MAGI2: variants seen among roughly 807,000 people sequenced by gnomAD.
MAGI2 encodes the protein membrane-associated guanylate kinase, WW and PDZ domain-containing protein 2.
In MAGI2, 35 loss-of-function variants were observed where a neutral mutation model predicts 133.3. The observed-to-expected ratio is 0.26, with a 90% CI of 0.20 to 0.35. The LOEUF is 0.35. Among genes scored for constraint, MAGI2 ranks in the 10% least tolerant of loss-of-function variants. The pLI is 1.00. For synonymous variants in MAGI2, 729 were observed against 710.6 expected (o/e 1.03, Z -0.41); for missense variants, 1,636 against 1,863.4 (o/e 0.88, Z 2.25).
At chr7:79,017,796 A>G (rs1409064570) in intron 1 of MAGI2, among the ~76,000 whole-genome samples, 4 of 152,206 alleles carry the variant, frequency 2.6e-5, no homozygotes, top group Non-Finnish European at 5.9e-5. Flanking sequence ...AATCACAAGT[A>G]TTAACAACAG....
At chr7:79,095,201 C>T (rs960503704) in intron 1 of MAGI2, among the ~76,000 whole-genome samples, 11 of 152,356 alleles carry the variant, frequency 7.2e-5, no homozygotes, top group African/African-American at 2.6e-4. Flanking sequence ...TTCCTTACCT[C>T]TCTCAGCCTT....
chr7:78,671,340 G>A (rs1016454176), intron 2 of MAGI2, among the ~76,000 whole-genome samples: 5 of 149,554 alleles, frequency 3.3e-5, no homozygotes, highest in South Asian at 2.1e-4. Context: ...GAAACATTAC[G>A]CACCTCAGAG....
chr7:78,597,231 T>G (rs1046623644), intron 3 of MAGI2, among the ~76,000 whole-genome samples: 12 of 152,218 alleles, frequency 7.9e-5, no homozygotes, highest in African/African-American at 2.9e-4. Flanking sequence ...TCTATAGCAC[T>G]GAGTTATTTC....
intron 15 of MAGI2, among the ~76,000 whole-genome samples, 167 bp from the exon 16 acceptor site, chr7:78,160,440 G>A (rs532215149): frequency 1.8e-4 from 28 of 152,324 alleles, no homozygotes; most frequent in African/African-American, 6.0e-4. Flanking sequence ...AGACCTAGGC[G>A]TGGAGCTCCC....
At position 78,447,032 on chromosome 7, in the gene MAGI2, A is replaced by C. The variant is rs534252933; in HGVS notation, c.1045+42729T>G. ...GTTCATCAGTTACAACAAATTTTTCATCAGAATGATTTTGGAAAGATTGTA... is the reference window on the plus strand; with the variant it reads ...GTTCATCAGTTACAACAAATTTTTCCTCAGAATGATTTTGGAAAGATTGTA... On this transcript the variant is annotated intron_variant, in intron 6 of 21. Transcript: ENST00000354212. 9.9e-5 allele frequency among the ~76,000 whole-genome samples: 15 copies of C among 152,200 alleles called. No individual in the cohort carries two copies. In the South Asian group the frequency reaches 2.9e-3, roughly 29 times the overall value.
chr7:78,804,618 G>A (rs1583959507), intron 2 of MAGI2, among the ~76,000 whole-genome samples: 1 of 151,406 alleles, frequency 6.6e-6, no homozygotes, highest in African/African-American at 2.4e-5. Flanking sequence ...GCATGGTGGC[G>A]GGCGCCTGTA....
chr7:78,028,556 G>T (rs1391726750), intron 21 of MAGI2, among the ~76,000 whole-genome samples: 5 of 152,066 alleles, frequency 3.3e-5, no homozygotes, highest in African/African-American at 9.7e-5. Context: ...ACAGTTCAAA[G>T]AACTATGGTG....
chr7:78,897,514 A>G (rs1417510718), intron 2 of MAGI2, among the ~76,000 whole-genome samples: 1 of 152,256 alleles, frequency 6.6e-6, no homozygotes, highest in Non-Finnish European at 1.5e-5. Context: ...ATTAAAAATT[A>G]AATCATATGA....
chr7:78,632,860 A>G (rs2150968321), intron 2 of MAGI2, among the ~76,000 whole-genome samples: 1 of 152,340 alleles, frequency 6.6e-6, no homozygotes, highest in South Asian at 2.1e-4. Flanking sequence ...CTAAAAACAG[A>G]ACTACCATTC....
intron 1 of MAGI2, among the ~76,000 whole-genome samples, chr7:79,359,646 C>A (rs1842250383): frequency 7.0e-6 from 1 of 142,520 alleles, no homozygotes; most frequent in African/African-American, 2.6e-5. Context: ...CAGCAGAGAC[C>A]AAAAGGAAAT....
intron 2 of MAGI2, among the ~76,000 whole-genome samples, chr7:78,715,804 A>T (rs1819641226): frequency 1.6e-5 from 1 of 63,992 alleles, no homozygotes; most frequent in Non-Finnish European, 3.8e-5. Context: ...CTGGGATATA[A>T]AAGTGCCAAT....
At chr7:78,069,691 T>C (rs1814276776) in intron 21 of MAGI2, among the ~76,000 whole-genome samples, 1 of 152,070 alleles carries the variant, frequency 6.6e-6, no homozygotes, top group African/African-American at 2.4e-5. Flanking sequence ...CACCCCACAA[T>C]CCCCGGTTGT....
intron 1 of MAGI2, among the ~76,000 whole-genome samples, chr7:79,346,397 T>A: frequency 6.6e-6 from 1 of 151,988 alleles, no homozygotes; most frequent in East Asian, 1.9e-4. Context: ...TACCATGAGT[T>A]TTTCCCTTCT....
chr7:78,747,525 A>G (rs1215675745), intron 2 of MAGI2, among the ~76,000 whole-genome samples: 1 of 146,390 alleles, frequency 6.8e-6, no homozygotes, highest in Non-Finnish European at 1.5e-5. Context: ...ACTAAACCAG[A>G]AAAAAAAAAT....
At chr7:78,133,929 C>T (rs1056186347) in intron 17 of MAGI2, 1 of 151,940 alleles carries the variant, frequency 6.6e-6, no homozygotes, top group Admixed American at 6.5e-5. Flanking sequence ...CTTTTTTCCC[C>T]ACAGTCCAAA....
intron 10 of MAGI2, among the ~76,000 whole-genome samples, chr7:78,220,815 A>G (rs1339354986): frequency 6.6e-6 from 1 of 152,220 alleles, no homozygotes; most frequent in Non-Finnish European, 1.5e-5. Flanking sequence ...AATTGGGACA[A>G]TATTCCTGTT....
At chr7:78,981,807 G>C (rs574402771) in intron 2 of MAGI2, among the ~76,000 whole-genome samples, 5 of 152,012 alleles carry the variant, frequency 3.3e-5, no homozygotes, top group Admixed American at 2.0e-4. Context: ...GCATTACGTA[G>C]ACAGTGTAAA....
intron 1 of MAGI2, among the ~76,000 whole-genome samples, chr7:79,070,322 C>G (rs1814835683): frequency 6.6e-6 from 1 of 151,612 alleles, no homozygotes; most frequent in Admixed American, 6.6e-5. Flanking sequence ...TCTTTTTTCT[C>G]TAATCTTGTC....
intron 1 of MAGI2, among the ~76,000 whole-genome samples, chr7:79,207,014 C>A (rs1041506821): frequency 6.6e-6 from 1 of 151,822 alleles, no homozygotes; most frequent in Non-Finnish European, 1.5e-5. Context: ...ATTTAACAAC[C>A]TTTGACAATG....
Sources: gnomAD v4.1 joint callset for allele counts (sites outside exome capture counted in the v4.1 genomes callset) on GRCh38, gnomAD v4.1.1 for gene constraint, MANE v1.5 for transcripts, NCBI Gene and HGNC (gene_info 2026-07-23, HGNC 2026-07-21) for gene names.